The following PCOLCE2 variants were observed in gnomAD, a reference collection of about 807,000 sequenced individuals.
PCOLCE2 encodes procollagen C-proteinase enhancer 2.
Under a neutral mutation model 47.0 loss-of-function variants are expected in PCOLCE2, and 42 were observed. That is an observed-to-expected ratio of 0.89 (90% CI 0.70 to 1.16). The LOEUF is 1.16. Among genes scored for constraint, PCOLCE2 ranks in the 50% most tolerant of loss-of-function variants. The probability of loss-of-function intolerance (pLI) is 0.00; values close to 1 mark genes in which losing one functional copy is unlikely to be tolerated. For synonymous variants in PCOLCE2, 169 were observed against 191.7 expected, an observed-to-expected ratio of 0.88 and a Z score of 0.98; for missense variants, 500 against 526.1, an observed-to-expected ratio of 0.95 and a Z score of 0.49.
At chr3:142,844,489 T>A (rs1347462359) in intron 3 of PCOLCE2, among the ~76,000 whole-genome samples, 1 of 152,188 alleles carries the variant, frequency 6.6e-6, no homozygotes, top group East Asian at 1.9e-4. Context: ...CTACTGGAAC[T>A]TTTCTCCAAG....
chr3:142,868,380 T>C (rs1443490000), intron 2 of PCOLCE2, among the ~76,000 whole-genome samples: 9 of 152,248 alleles, frequency 5.9e-5, no homozygotes, highest in Non-Finnish European at 1.0e-4. Context: ...TCAGCCATGA[T>C]GGCAAGGGGT....
intron 2 of PCOLCE2, among the ~76,000 whole-genome samples, chr3:142,853,345 G>A (rs939698893): frequency 3.9e-5 from 6 of 152,080 alleles, no homozygotes; most frequent in African/African-American, 1.4e-4. Flanking sequence ...CAAACCCGAA[G>A]GTGGGCTCTG....
chr3:142,819,256 G>A (rs1219313782), intron 8 of PCOLCE2, among the ~76,000 whole-genome samples: 1 of 152,134 alleles, frequency 6.6e-6, no homozygotes, highest in Non-Finnish European at 1.5e-5. Flanking sequence ...GAGGTGTTGG[G>A]TAACTCTGAA....
At chr3:142,827,155 C>A in intron 6 of PCOLCE2, 1 of 1,440,494 alleles carries the variant, frequency 6.9e-7, no homozygotes, top group East Asian at 2.3e-5. Context: ...TGGCGGGCAG[C>A]AATGAGACCC....
At chr3:142,878,899 A>T (rs758834570) in intron 2 of PCOLCE2, among the ~76,000 whole-genome samples, 16 of 152,010 alleles carry the variant, frequency 1.1e-4, no homozygotes, top group Admixed American at 5.9e-4. Flanking sequence ...GAGCCCTTTA[A>T]ATGTTTCTCT....
chr3:142,853,028 C>G (rs943885262), intron 2 of PCOLCE2, among the ~76,000 whole-genome samples: 1 of 150,632 alleles, frequency 6.6e-6, no homozygotes. Context: ...ATTACTTGAG[C>G]CTGGGACATC....
intron 2 of PCOLCE2, among the ~76,000 whole-genome samples, chr3:142,849,018 T>TG (rs1937361794): frequency 6.6e-6 from 1 of 151,158 alleles, no homozygotes. Flanking sequence ...CCGGGTGTGG[T>TG]GGGGGGCGCC....
At position 142,887,706 on chromosome 3, in the gene PCOLCE2, A is replaced by G. The variant is rs746472336; in HGVS notation, c.155T>C (p.Val52Ala). The G allele has an allele frequency of 1.9e-6, 3 of 1,604,142 alleles. No individual in the cohort carries two copies. Among genetic ancestry groups the G allele is most frequent in the East Asian group, 2.2e-5 (1 of 44,824 alleles). ...AGTACATTTGCTATTTGGAGGGTACACTCCAGGAAAACCTTCACTGCCAAT... is the reference window on the plus strand; with the variant it reads ...AGTACATTTGCTATTTGGAGGGTACGCTCCAGGAAAACCTTCACTGCCAAT... ...GFIGSEGFPG[V>A]YPPNSKCTWK... The change falls in exon 2 of 9, where the codon GTG becomes GCG. Residue 52 changes from valine to alanine, a missense_variant. Physicochemically the swap from Val to Ala is moderately conservative, Grantham distance 64 (BLOSUM62 0). Transcript: ENST00000295992.
At chr3:142,872,050 T>A (rs1933399997) in intron 2 of PCOLCE2, among the ~76,000 whole-genome samples, 1 of 152,116 alleles carries the variant, frequency 6.6e-6, no homozygotes, top group Admixed American at 6.5e-5. Flanking sequence ...CAGTTGCTTT[T>A]GGCCACGGGA....
chr3:142,838,400 C>T (rs1174478633), intron 5 of PCOLCE2, among the ~76,000 whole-genome samples: 2 of 152,084 alleles, frequency 1.3e-5, no homozygotes, highest in African/African-American at 4.8e-5. Flanking sequence ...AGTGAGCTCT[C>T]TGCTCTCTGG....
chr3:142,876,510 A>C (rs1215750173), intron 2 of PCOLCE2, among the ~76,000 whole-genome samples: 1 of 152,092 alleles, frequency 6.6e-6, no homozygotes, highest in Non-Finnish European at 1.5e-5. Flanking sequence ...TAAAATAATA[A>C]TGTACTCTTA....
chr3:142,887,900 G>A, intron 1 of PCOLCE2, 123 bp from the exon 2 acceptor site: 1 of 621,126 alleles, frequency 1.6e-6, no homozygotes, highest in Admixed American at 2.9e-5. Context: ...ATCAATGCTT[G>A]CACCATATAA....
intron 5 of PCOLCE2, among the ~76,000 whole-genome samples, chr3:142,832,836 T>G (rs1937165829): frequency 6.6e-6 from 1 of 152,192 alleles, no homozygotes; most frequent in Admixed American, 6.5e-5. Flanking sequence ...GTTCATTTTT[T>G]AACAGGGAAA....
chr3:142,843,503 A>AAT (rs1349554585), intron 3 of PCOLCE2, among the ~76,000 whole-genome samples: 1 of 150,572 alleles, frequency 6.6e-6, no homozygotes, highest in Non-Finnish European at 1.5e-5. Flanking sequence ...ATATGTATAT[A>AAT]ATATATATAT....
intron 2 of PCOLCE2, among the ~76,000 whole-genome samples, chr3:142,883,148 G>A (rs1029418297): frequency 7.8e-5 from 11 of 140,424 alleles, no homozygotes; most frequent in Non-Finnish European, 3.0e-5. Context: ...TGCAGTGAGC[G>A]AGATTGCGCC....
At chr3:142,854,204 A>G (rs1300031932) in intron 2 of PCOLCE2, among the ~76,000 whole-genome samples, 1 of 87,944 alleles carries the variant, frequency 1.1e-5, no homozygotes, top group African/African-American at 4.4e-5. Context: ...CTGTTTTTGC[A>G]GCACGTGATT....
chr3:142,886,684 G>A lies in PCOLCE2; in HGVS notation c.192+985C>T, dbSNP rs1429537235. Among the ~76,000 whole-genome samples, 7 of 152,134 alleles carry A rather than the reference G, an allele frequency of 4.6e-5. No homozygotes were observed. In the South Asian group the frequency reaches 1.0e-3, roughly 23 times the overall value. On this transcript the variant is annotated intron_variant, in intron 2 of 8. Transcript: ENST00000295992. ...ACTTTTACATAAAGTTGGGCTTCCC[G>A]ACTGTCTGATCAAGTCAATTTCTAT... is the stretch of plus-strand genomic sequence containing the variant.
chr3:142,860,238 T>G (rs780831585), intron 2 of PCOLCE2, among the ~76,000 whole-genome samples: 19 of 152,180 alleles, frequency 1.2e-4, no homozygotes, highest in Non-Finnish European at 2.6e-4. Flanking sequence ...ATGCTTATGC[T>G]GCTACTTCTT....
intron 2 of PCOLCE2, among the ~76,000 whole-genome samples, chr3:142,874,972 TAC>T (rs1286459482): frequency 6.6e-6 from 1 of 152,150 alleles, no homozygotes; most frequent in Non-Finnish European, 1.5e-5. Flanking sequence ...TTCTAAGAAA[TAC>T]AGTTTTATTT....
Sources: gnomAD v4.1 joint callset for allele counts (sites outside exome capture counted in the v4.1 genomes callset) on GRCh38, gnomAD v4.1.1 for gene constraint, MANE v1.5 for transcripts, NCBI Gene and HGNC (gene_info 2026-07-23, HGNC 2026-07-21) for gene names.